Variants in KIF13B observed in about 807,000 individuals in gnomAD.
KIF13B encodes kinesin family member 13B, also known as kinesin-like protein KIF13B.
Under a neutral mutation model 222.0 loss-of-function variants are expected in KIF13B, and 127 were observed. The ratio of observed to expected loss-of-function variants is 0.57; its 90% CI spans 0.50 to 0.66. The LOEUF (loss-of-function observed/expected upper bound fraction) is 0.66, where lower values mean the gene tolerates loss of function less well. KIF13B is among the 30% of genes least tolerant of loss of function. KIF13B has a pLI of 0.00. For synonymous variants in KIF13B, 976 were observed against 919.0 expected (o/e 1.06, Z -1.12); for missense variants, 2,173 against 2,379.0 (o/e 0.91, Z 1.80).
intron 2 of KIF13B, among the ~76,000 whole-genome samples, chr8:29,213,237 T>C (rs937269946): frequency 6.6e-6 from 1 of 152,200 alleles, no homozygotes; most frequent in Non-Finnish European, 1.5e-5. Context: ...GCTTAGGAGC[T>C]AGGCAGACTT....
At chr8:29,140,218 A>G (rs1385050139) in intron 20 of KIF13B, 27 bp from the exon 21 acceptor site, 10 of 1,612,260 alleles carry the variant, frequency 6.2e-6, no homozygotes, top group African/African-American at 2.7e-5. Context: ...AGGCAGAAAC[A>G]TTTCTCCAGA....
At chr8:29,203,502 C>G (rs894857854) in intron 2 of KIF13B, among the ~76,000 whole-genome samples, 9 of 152,218 alleles carry the variant, frequency 5.9e-5, no homozygotes, top group African/African-American at 2.2e-4. Context: ...CCACCACCAT[C>G]CTCTGTCTCT....
chr8:29,070,865 C>T lies in KIF13B; in HGVS notation c.5219-99G>A, dbSNP rs966663490. The T allele has an allele frequency of 5.5e-6, 7 of 1,275,212 alleles. No homozygotes were observed. The highest frequency in any genetic ancestry group is 5.3e-5 in the South Asian group (4 of 75,118). 79.0% of individuals were successfully genotyped at this position (1,275,212 alleles called of 1,614,324 possible). A position where few individuals can be genotyped will look rare whatever the true frequency, so the allele number is the denominator to read the frequency against. On this transcript the variant is annotated intron_variant, in intron 39 of 39. Coordinates refer to ENST00000524189, the MANE Select transcript of KIF13B (RefSeq NM_015254.4). This position sits in a 1 kb window ranked among gnomAD's most constrained non-coding sequence, Gnocchi z 4.1. ...CAGAGGCCATGTGCCCACACTGCCACCCCCCCGCACAGGCCCTACACAGCC... is the reference window on the plus strand; with the variant it reads ...CAGAGGCCATGTGCCCACACTGCCATCCCCCCGCACAGGCCCTACACAGCC...
Position 29,113,486 on chromosome 8 carries a change from C to T in KIF13B, c.3907G>A (p.Glu1303Lys). 6.3e-7 allele frequency: 1 copy of T among 1,586,510 alleles called. No individual in the cohort carries two copies. The highest frequency in any genetic ancestry group is 8.6e-7 in the Non-Finnish European group (1 of 1,163,612). ...SSIPGCGVTF[E>K]IVSNIPEDAQ... ...ACCTCTGGAATATTGGAGACAATTT[C>T]AAAAGTCACTCCACAGCCAGGAATA... The change falls in exon 32 of 40, where the codon GAA becomes AAA. Residue 1303 changes from glutamate (E) to lysine (K), a missense_variant. Physicochemically the swap from Glu to Lys is moderately conservative, Grantham distance 56. Around this residue, in one of 2 missense-constraint regions of KIF13B, gnomAD observed 1,480 missense variants for 1,722.8 expected, o/e 0.86. Coordinates refer to ENST00000524189, the MANE Select transcript of KIF13B (RefSeq NM_015254.4).
At chr8:29,259,278 G>A (rs1201401672) in intron 1 of KIF13B, among the ~76,000 whole-genome samples, 1 of 151,826 alleles carries the variant, frequency 6.6e-6, no homozygotes, top group Admixed American at 6.6e-5. Flanking sequence ...ACCACATCAA[G>A]TATTGGAAAA....
At chr8:29,156,901 C>T (rs1438933463) in intron 13 of KIF13B, among the ~76,000 whole-genome samples, 2 of 152,164 alleles carry the variant, frequency 1.3e-5, no homozygotes, top group African/African-American at 2.4e-5. Flanking sequence ...GAATAAGCGC[C>T]AAAGCTAAAC....
intron 3 of KIF13B, among the ~76,000 whole-genome samples, chr8:29,193,492 G>A (rs1452807559): frequency 1.3e-5 from 2 of 152,094 alleles, no homozygotes; most frequent in East Asian, 3.8e-4. Flanking sequence ...AGCTTTCCAC[G>A]CTTATCTCCA....
intron 1 of KIF13B, among the ~76,000 whole-genome samples, chr8:29,252,062 C>T (rs567564010): frequency 7.3e-4 from 110 of 151,016 alleles, no homozygotes; most frequent in Admixed American, 6.6e-4. Context: ...AAGGGGGAAG[C>T]GGGAAGGAAG....
At chr8:29,121,841 G>T (rs1341277860) in intron 29 of KIF13B, among the ~76,000 whole-genome samples, 1 of 151,164 alleles carries the variant, frequency 6.6e-6, no homozygotes, top group South Asian at 2.1e-4. Flanking sequence ...AATGGCACAA[G>T]AACTCATAGA....
At chr8:29,140,752 A>G in intron 19 of KIF13B, 135 bp from the exon 20 acceptor site, 1 of 825,146 alleles carries the variant, frequency 1.2e-6, no homozygotes, top group Non-Finnish European at 1.8e-6. Context: ...TTTAGAGTAA[A>G]ACATTCTAAA....
At chr8:29,224,544 C>T (rs1814928890) in intron 2 of KIF13B, among the ~76,000 whole-genome samples, 1 of 152,156 alleles carries the variant, frequency 6.6e-6, no homozygotes, top group Non-Finnish European at 1.5e-5. Flanking sequence ...GACAAAGTCA[C>T]AGGTACTGCT....
At chr8:29,157,830 CAAAA>C (rs901426407) in intron 13 of KIF13B, among the ~76,000 whole-genome samples, 4 of 94,036 alleles carry the variant, frequency 4.3e-5, no homozygotes, top group Non-Finnish European at 8.7e-5. Context: ...GACCCTGCCT[CAAAA>C]AAAAAAAAAA....
intron 24 of KIF13B, among the ~76,000 whole-genome samples, chr8:29,127,602 G>A (rs1228163920): frequency 6.6e-6 from 1 of 152,142 alleles, no homozygotes; most frequent in Admixed American, 6.5e-5. Context: ...ATTAAAGCAT[G>A]ACACACCTGT....
chr8:29,140,796 A>T, intron 19 of KIF13B, 179 bp from the exon 20 acceptor site: 2 of 543,654 alleles, frequency 3.7e-6, no homozygotes. Flanking sequence ...TATTACTCCC[A>T]TACACACTCT....
chr8:29,244,528 T>C (rs985396315), intron 2 of KIF13B, among the ~76,000 whole-genome samples: 5 of 152,206 alleles, frequency 3.3e-5, no homozygotes, highest in South Asian at 2.1e-4. Flanking sequence ...ACCCATTCTC[T>C]ACATTGCCAA....
At position 29,137,211 on chromosome 8, in the gene KIF13B, T is replaced by C. The variant is rs183189653; in HGVS notation, c.2613+2852A>G. On this transcript the variant is annotated intron_variant, in intron 21 of 39. Coordinates refer to ENST00000524189, the MANE Select transcript of KIF13B (RefSeq NM_015254.4). ...ATTAATCACAATTTTAATGTTAAAA[T>C]AGACAAGAAACAAGATTTAATATGC... Among the ~76,000 whole-genome samples, 952 of 152,320 alleles carry C rather than the reference T, an allele frequency of 6.3e-3. 6 individuals are homozygous for C. Among genetic ancestry groups the C allele is most frequent in the African/African-American group, 0.022 (906 of 41,568 alleles).
intron 31 of KIF13B, among the ~76,000 whole-genome samples, chr8:29,115,574 C>A (rs1300080059): frequency 1.3e-5 from 2 of 152,148 alleles, no homozygotes; most frequent in Non-Finnish European, 2.9e-5. Context: ...GAGCCACCTG[C>A]CTCGGCCTCC....
chr8:29,157,412 A>C (rs1467002055), intron 13 of KIF13B, among the ~76,000 whole-genome samples: 2 of 151,346 alleles, frequency 1.3e-5, no homozygotes, highest in East Asian at 3.9e-4. Context: ...AAAAAAAAAA[A>C]AAAATTGTGG....
At chr8:29,247,456 T>A (rs1816078537) in intron 1 of KIF13B, among the ~76,000 whole-genome samples, 1 of 151,976 alleles carries the variant, frequency 6.6e-6, no homozygotes, top group Non-Finnish European at 1.5e-5. Context: ...AAAAAGGGAA[T>A]GAAAAAGTAT....
Sources: gnomAD v4.1 joint callset for allele counts (sites outside exome capture counted in the v4.1 genomes callset) on GRCh38, gnomAD v4.1.1 for gene constraint, gnomAD v4.1.1 regional missense constraint, Gnocchi (gnomAD v3.1) non-coding constraint, MANE v1.5 for transcripts, NCBI Gene and HGNC (gene_info 2026-07-23, HGNC 2026-07-21) for gene names.